NOPCHAP1: variants seen among roughly 807,000 people sequenced by gnomAD.
NOPCHAP1 encodes the protein NOP protein chaperone 1, also known as DNA damage-sensitive RNA 1.
A neutral mutation model predicts 14.0 loss-of-function variants in NOPCHAP1; 13 were observed. The observed-to-expected ratio is 0.93, with a 90% confidence interval of 0.60 to 1.47. The LOEUF is 1.47. Among genes scored for constraint, NOPCHAP1 ranks in the 40% most tolerant of loss-of-function variants. The pLI is 0.00. For missense variants in NOPCHAP1, 230 were observed against 226.9 expected (o/e 1.01, Z -0.09); for synonymous variants, 78 against 78.4 (o/e 1.00, Z 0.03).
rs1368360787 is a variant in NOPCHAP1 at position 105,002,945 on chromosome 12, A to T, written c.*8249A>T. ...ACTTGCCTTTTCTCATTATCTTTAGAATGAAAGAGTAGTTGAGCAAAAAGG... is the reference window on the plus strand; with the variant it reads ...ACTTGCCTTTTCTCATTATCTTTAGTATGAAAGAGTAGTTGAGCAAAAAGG... On this transcript the variant is annotated 3_prime_UTR_variant, in exon 4 of 4. Coordinates refer to ENST00000552951, the MANE Select transcript of NOPCHAP1 (RefSeq NM_152318.3). 4 of 152,218 alleles carry T rather than the reference A, an allele frequency of 2.6e-5. No homozygotes were observed. The highest frequency in any genetic ancestry group is 5.9e-5 in the Non-Finnish European group (4 of 68,030). 9.4% of individuals were successfully genotyped at this position (152,218 alleles called of 1,614,324 possible). A position where few individuals can be genotyped will look rare whatever the true frequency, so the allele number is the denominator to read the frequency against.
chr12:105,003,126 A>C lies in NOPCHAP1; in HGVS notation c.*8430A>C, dbSNP rs1873642401. 6.6e-6 allele frequency: 1 copy of C among 152,324 alleles called. No homozygotes were observed. The highest frequency in any genetic ancestry group is 2.1e-4 in the South Asian group (1 of 4,828). The allele number at this position is 152,324 out of a possible 1,614,324, so 9.4% of individuals were successfully genotyped here. The stretch of plus-strand genomic sequence containing the variant: ...GAATCTTTTACTACCTGTATGTACC[A>C]ATTTAAAGAATGCATCTCATTGCTT... On this transcript the variant is annotated 3_prime_UTR_variant, in exon 4 of 4. Transcript: ENST00000552951.
In NOPCHAP1 at chr12:105,001,420, C is replaced by T. The variant is rs1592750620; in HGVS notation, c.*6724C>T. On this transcript the variant is annotated 3_prime_UTR_variant, in exon 4 of 4. Coordinates refer to ENST00000552951, the MANE Select transcript of NOPCHAP1 (RefSeq NM_152318.3). Reference sequence around the variant, plus strand: ...TGGATTATCTTTCCAGGATTATGAGCTTGATAAACCAAACATTAGTTATAA... The same window carrying T: ...TGGATTATCTTTCCAGGATTATGAGTTTGATAAACCAAACATTAGTTATAA... The T allele has an allele frequency of 6.6e-6, 1 of 152,174 alleles. No individual in the cohort carries two copies. Among genetic ancestry groups the T allele is most frequent in the South Asian group, 2.1e-4 (1 of 4,818 alleles). The allele number at this position is 152,174 out of a possible 1,614,324, so 9.4% of individuals were successfully genotyped here. A position where few individuals can be genotyped will look rare whatever the true frequency, so the allele number is the denominator to read the frequency against.
At position 104,988,201 on chromosome 12, in the gene NOPCHAP1, T is replaced by G. The variant is rs1424101163; in HGVS notation, c.150T>G (p.Pro50=). The change falls in exon 2 of 4, where the codon CCT becomes CCG. Residue 50 remains proline (P), a synonymous_variant. Transcript: ENST00000552951. ...IWDRLLINSQ[P]KSRKTSTLQT... Reference sequence around the variant, plus strand: ...ACAGGTTGCTCATCAACTCCCAACCTAAGTCCAGAAAGACCTCCACTCTTC... The same window carrying G: ...ACAGGTTGCTCATCAACTCCCAACCGAAGTCCAGAAAGACCTCCACTCTTC... The G allele has an allele frequency of 1.9e-6, 3 of 1,613,166 alleles. No homozygotes were observed. Among genetic ancestry groups the G allele is most frequent in the African/African-American group, 2.7e-5 (2 of 74,926 alleles).
intron 3 of NOPCHAP1, 139 bp from the exon 4 acceptor site, chr12:104,994,339 T>A: frequency 1.3e-6 from 1 of 783,064 alleles, no homozygotes; most frequent in Admixed American, 2.0e-5. Flanking sequence ...AGAGCAAGAC[T>A]CTGTCTCCAA....
rs116854122 is a variant in NOPCHAP1 at position 104,987,905 on chromosome 12, A to G, written c.116-262A>G. 4.2e-3 allele frequency among the ~76,000 whole-genome samples: 643 copies of G among 152,366 alleles called. 2 individuals are homozygous for G. Among genetic ancestry groups the G allele is most frequent in the Non-Finnish European group, 6.1e-3 (413 of 68,038 alleles). On this transcript the variant is annotated intron_variant, in intron 1 of 3. Transcript: ENST00000552951. Reference sequence around the variant, plus strand: ...TTGTCTGCTAATGAATTTCTGATCCAGAAAAGTGCAGATTGGTGTGCATTT... The same window carrying G: ...TTGTCTGCTAATGAATTTCTGATCCGGAAAAGTGCAGATTGGTGTGCATTT...
chr12:105,012,240 T>A lies in NOPCHAP1; in HGVS notation c.*17544T>A, dbSNP rs1276211545. On this transcript the variant is annotated 3_prime_UTR_variant, in exon 4 of 4. Coordinates refer to ENST00000552951, the MANE Select transcript of NOPCHAP1 (RefSeq NM_152318.3). ...CACGCTTTATTTCATTAAGTTGATCTTCAATCTCTGATATCCTTTCTCCCA... is the reference window on the plus strand; with the variant it reads ...CACGCTTTATTTCATTAAGTTGATCATCAATCTCTGATATCCTTTCTCCCA... 1 of 152,238 alleles carries A rather than the reference T, an allele frequency of 6.6e-6. No individual in the cohort carries two copies. Among genetic ancestry groups the A allele is most frequent in the Non-Finnish European group, 1.5e-5 (1 of 68,052 alleles). 9.4% of individuals were successfully genotyped at this position (152,238 alleles called of 1,614,324 possible).
Position 105,013,639 on chromosome 12 carries a change from G to C in NOPCHAP1, c.*18943G>C, listed in dbSNP as rs563830467. The C allele has an allele frequency of 2.0e-5, 3 of 152,434 alleles. No homozygotes were observed. The highest frequency in any genetic ancestry group is 7.2e-5 in the African/African-American group (3 of 41,468). 9.4% of individuals were successfully genotyped at this position (152,434 alleles called of 1,614,324 possible). A position where few individuals can be genotyped will look rare whatever the true frequency, so the allele number is the denominator to read the frequency against. On this transcript the variant is annotated 3_prime_UTR_variant, in exon 4 of 4. Coordinates refer to ENST00000552951, the MANE Select transcript of NOPCHAP1 (RefSeq NM_152318.3). ...CACCCGAGGGAATCTCCTGGTCTGC[G>C]GGTTGTGAAGACCGTGGGAAAAGCA...
rs1873607394 is a variant in NOPCHAP1 at position 105,001,407 on chromosome 12, C to T, written c.*6711C>T. ...ACCACCTAAAATTTGGATTATCTTT[C>T]CAGGATTATGAGCTTGATAAACCAA... is the stretch of plus-strand genomic sequence containing the variant. On this transcript the variant is annotated 3_prime_UTR_variant, in exon 4 of 4. Coordinates refer to ENST00000552951, the MANE Select transcript of NOPCHAP1 (RefSeq NM_152318.3). 6.6e-6 allele frequency: 1 copy of T among 152,128 alleles called. No homozygotes were observed. The highest frequency in any genetic ancestry group is 1.5e-5 in the Non-Finnish European group (1 of 68,020). 9.4% of individuals were successfully genotyped at this position (152,128 alleles called of 1,614,324 possible). A position where few individuals can be genotyped will look rare whatever the true frequency, so the allele number is the denominator to read the frequency against.
rs570627833 is a variant in NOPCHAP1, at chr12:104,996,794, G to A, written c.*2098G>A. ...CTGGGTGCTTCTCTGTTGGGTGCAT[G>A]TATGTTTAGGATAGTTAGGTCTTAT... On this transcript the variant is annotated 3_prime_UTR_variant, in exon 4 of 4. Transcript: ENST00000552951. The A allele has an allele frequency of 1.3e-5, 2 of 152,300 alleles. No homozygotes were observed. The highest frequency in any genetic ancestry group is 2.9e-5 in the Non-Finnish European group (2 of 68,008). 9.4% of individuals were successfully genotyped at this position (152,300 alleles called of 1,614,324 possible).
rs564353864 is a variant in NOPCHAP1, at chr12:105,016,171, A to G, written c.*21475A>G. On this transcript the variant is annotated 3_prime_UTR_variant, in exon 4 of 4. Coordinates refer to ENST00000552951, the MANE Select transcript of NOPCHAP1 (RefSeq NM_152318.3). ...TCATTAATATATCATGGGCTTTTAC[A>G]TTTTAGAAAAAAATGACGGATATCT... is the stretch of plus-strand genomic sequence containing the variant. 2 of 152,190 alleles carry G rather than the reference A, an allele frequency of 1.3e-5. No homozygotes were observed. The highest frequency in any genetic ancestry group is 2.9e-5 in the Non-Finnish European group (2 of 68,034). 9.4% of individuals were successfully genotyped at this position (152,190 alleles called of 1,614,324 possible).
rs1478325160 is a variant in NOPCHAP1 at position 105,014,916 on chromosome 12, TTTTGCTCAG to T, written c.*20221_*20229del. The T allele has an allele frequency of 2.0e-5, 3 of 152,194 alleles. No individual in the cohort carries two copies. The highest frequency in any genetic ancestry group is 4.4e-5 in the Non-Finnish European group (3 of 68,036). 9.4% of individuals were successfully genotyped at this position (152,194 alleles called of 1,614,324 possible). On this transcript the variant is annotated 3_prime_UTR_variant, in exon 4 of 4. Transcript: ENST00000552951. Reference sequence around the variant, plus strand: ...GGATCTCATCTGCCATGAGCCTGACTTTTGCTCAGGAAAGAGGCCTGAGAATTTAAGGAC... The same window carrying T: ...GGATCTCATCTGCCATGAGCCTGACTGAAAGAGGCCTGAGAATTTAAGGAC...
Position 104,994,532 on chromosome 12 carries a change from G to A in NOPCHAP1, c.394G>A (p.Glu132Lys), listed in dbSNP as rs1295976440. The A allele has an allele frequency of 1.2e-6, 2 of 1,613,470 alleles. No homozygotes were observed. The highest frequency in any genetic ancestry group is 1.1e-5 in the South Asian group (1 of 90,950). ...QSDSKEVDSS[E>K]ESSQDSSENS... ...GGATTCAAAAGAAGTGGACAGTTCAGAAGAGAGTTCACAAGACAGTTCAGA... is the reference window on the plus strand; with the variant it reads ...GGATTCAAAAGAAGTGGACAGTTCAAAAGAGAGTTCACAAGACAGTTCAGA... Residue 132 changes from glutamate to lysine, a missense_variant, in exon 4 of 4, where the codon GAA becomes AAA. Coordinates refer to ENST00000552951, the MANE Select transcript of NOPCHAP1 (RefSeq NM_152318.3).
intron 2 of NOPCHAP1, among the ~76,000 whole-genome samples, chr12:104,990,567 A>G (rs147080816): frequency 4.6e-5 from 7 of 152,152 alleles, no homozygotes; most frequent in Non-Finnish European, 8.8e-5. Flanking sequence ...TTCTTCTTCC[A>G]TACGCTGGAC....
rs1382316300 is a variant in NOPCHAP1, at chr12:105,001,341, A to G, written c.*6645A>G. The stretch of plus-strand genomic sequence containing the variant: ...TTAAGGGTGGCAATTGATGAAATCC[A>G]TCTGTAAACATTCAAATGGTCCAGG... On this transcript the variant is annotated 3_prime_UTR_variant, in exon 4 of 4. Transcript: ENST00000552951. 6.6e-6 allele frequency: 1 copy of G among 152,248 alleles called. No homozygotes were observed. The highest frequency in any genetic ancestry group is 1.5e-5 in the Non-Finnish European group (1 of 68,042). 9.4% of individuals were successfully genotyped at this position (152,248 alleles called of 1,614,324 possible). A position where few individuals can be genotyped will look rare whatever the true frequency, so the allele number is the denominator to read the frequency against.
intron 3 of NOPCHAP1, among the ~76,000 whole-genome samples, chr12:104,992,382 A>AG (rs1205623471): frequency 6.6e-6 from 1 of 152,200 alleles, no homozygotes; most frequent in Non-Finnish European, 1.5e-5. Context: ...CAACCTCTGC[A>AG]GTTCCTTTGG....
At chr12:104,990,778 A>G (rs114877765) in intron 2 of NOPCHAP1, among the ~76,000 whole-genome samples, 325 of 152,366 alleles carry the variant, frequency 2.1e-3, no homozygotes, top group African/African-American at 7.0e-3. Flanking sequence ...GTAGAATTAA[A>G]TGTATTAATT....
In NOPCHAP1 at chr12:104,986,385, G is replaced by C; in HGVS notation, c.33G>C (p.Pro11=). MEVHGKPKAS[P]SCSSPTRDSS... is the part of the protein sequence containing the mutation. ...TCCATGGCAAGCCCAAGGCTAGCCCGAGTTGTTCGTCGCCCACCCGGGATT... is the reference window on the plus strand; with the variant it reads ...TCCATGGCAAGCCCAAGGCTAGCCCCAGTTGTTCGTCGCCCACCCGGGATT... The change falls in exon 1 of 4, where the codon CCG becomes CCC. Residue 11 remains proline, a synonymous_variant. Transcript: ENST00000552951. The C allele has an allele frequency of 6.2e-7, 1 of 1,611,626 alleles. No homozygotes were observed. The highest frequency in any genetic ancestry group is 8.5e-7 in the Non-Finnish European group (1 of 1,179,056).
At chr12:104,993,859 T>C (rs1051041330) in intron 3 of NOPCHAP1, among the ~76,000 whole-genome samples, 1 of 152,196 alleles carries the variant, frequency 6.6e-6, no homozygotes, top group Admixed American at 6.5e-5. Flanking sequence ...TTTATTGTTA[T>C]TGAGTCTCTA....
intron 2 of NOPCHAP1, 65 bp downstream of exon 2, chr12:104,988,318 C>A: frequency 2.4e-6 from 3 of 1,272,886 alleles, no homozygotes; most frequent in Non-Finnish European, 3.4e-6. Flanking sequence ...AGCTGTGGGA[C>A]GGTCTCTGCC....
Sources: allele counts gnomAD v4.1 joint callset (sites outside exome capture counted in the v4.1 genomes callset), GRCh38; gene constraint gnomAD v4.1.1; transcripts MANE v1.5; gene names NCBI Gene and HGNC (gene_info 2026-07-23, HGNC 2026-07-21).